ASMT: variants seen among roughly 807,000 people sequenced by gnomAD.
The protein encoded by ASMT is acetylserotonin N-methyltransferase.
ASMT carries 53 observed loss-of-function variants against 41.3 expected under a neutral mutation model. The ratio of observed to expected loss-of-function variants is 1.28; its 90% CI spans 1.03 to 1.61. The LOEUF (loss-of-function observed/expected upper bound fraction) is 1.61, where lower values mean the gene tolerates loss of function less well. Ranked by LOEUF, ASMT falls within the 40% of genes most tolerant of loss-of-function variation. The probability of loss-of-function intolerance (pLI) is 0.00; values close to 1 mark genes in which losing one functional copy is unlikely to be tolerated. For missense variants in ASMT, 531 were observed against 441.3 expected, an observed-to-expected ratio of 1.20 and a Z score of -1.82; for synonymous variants, 231 against 184.8, an observed-to-expected ratio of 1.25 and a Z score of -2.03.
rs147969184 is a variant in ASMT, at chrX:1,629,825, G to A, written c.448G>A (p.Glu150Lys). The change falls in exon 5 of 9, where the codon GAG becomes AAG. Residue 150 changes from glutamate to lysine, a missense_variant. Physicochemically the swap from Glu to Lys is moderately conservative, Grantham distance 56. Coordinates refer to ENST00000381241, the MANE Select transcript of ASMT (RefSeq NM_001171038.2). ...EELFTAIYRS[E>K]GERLQFMQAL... ...AAGCGTGGTTTTGCATGCCAGGTCC[G>A]AGGGCGAGCGGCTACAGTTCATGCA... The A allele has an allele frequency of 8.6e-5, 138 of 1,613,770 alleles. No homozygotes were observed. In the African/African-American group the frequency reaches 1.4e-3, roughly 16 times the overall value.
In ASMT at chrX:1,642,828, C is replaced by G; in HGVS notation, c.936C>G (p.Ser312Arg). Reference sequence around the variant, plus strand: ...GTGGTGGCATTCTGGTAATTGAAAGCCTCCTGGATGAAGACAGGCGAGGTC... The same window carrying G: ...GTGGTGGCATTCTGGTAATTGAAAGGCTCCTGGATGAAGACAGGCGAGGTC... ...KPGGGILVIE[S>R]LLDEDRRGPL... The change falls in exon 9 of 9, where the codon AGC (serine) becomes AGG (arginine). Residue 312 changes from serine (S) to arginine (R), a missense_variant. By Grantham distance (110) the Ser-to-Arg change is moderately radical (BLOSUM62 -1). Coordinates refer to ENST00000381241, the MANE Select transcript of ASMT (RefSeq NM_001171038.2). 6.2e-7 allele frequency: 1 copy of G among 1,613,926 alleles called. No homozygotes were observed. Among genetic ancestry groups the G allele is most frequent in the Non-Finnish European group, 8.5e-7 (1 of 1,179,866 alleles).
chrX:1,642,746 T>C, intron 8 of ASMT, 57 bp from the exon 9 acceptor site: 2 of 1,534,930 alleles, frequency 1.3e-6, no homozygotes. Flanking sequence ...ACTGGGACTT[T>C]GGCACAGTCT....
intron 1 of ASMT, among the ~76,000 whole-genome samples, chrX:1,618,246 C>T (rs1338640661): frequency 6.6e-6 from 1 of 152,116 alleles, no homozygotes; most frequent in Non-Finnish European, 1.5e-5. Flanking sequence ...TCACTGCAAC[C>T]TCTCCCTCCC....
rs1206479017 is a variant in ASMT, at chrX:1,619,191, C to T, written c.69+3923C>T. On this transcript the variant is annotated intron_variant, in intron 1 of 8. Coordinates refer to ENST00000381241, the MANE Select transcript of ASMT (RefSeq NM_001171038.2). ...CGGGCGGATCACAAGGTCAGGAGTT[C>T]GAGACCAGCCTGGCCAATATGGTGA... Among the ~76,000 whole-genome samples the T allele has an allele frequency of 2.6e-5, 4 of 151,980 alleles. No individual in the cohort carries two copies. In the East Asian group the frequency reaches 7.8e-4, roughly 29 times the overall value.
Position 1,615,137 on chromosome X carries a change from CT to C in ASMT, c.-62del. ...GGCTCTTCCCCACCTTGCCAGCAGG[CT>C]CTGTGCTCCTTGAAGCAAGCGCTCC... On this transcript the variant is annotated 5_prime_UTR_variant, in exon 1 of 9. Transcript: ENST00000381241. 6.7e-7 allele frequency: 1 copy of C among 1,481,748 alleles called. No individual in the cohort carries two copies. Among genetic ancestry groups the C allele is most frequent in the South Asian group, 1.2e-5 (1 of 82,862 alleles). The allele number at this position is 1,481,748 out of a possible 1,614,324, so 91.8% of individuals were successfully genotyped here.
intron 7 of ASMT, among the ~76,000 whole-genome samples, chrX:1,634,002 A>T (rs1226007887): frequency 1.3e-5 from 2 of 150,666 alleles, no homozygotes; most frequent in East Asian, 3.9e-4. Context: ...CAAACTCCTG[A>T]CCTCAGGAGA....
chrX:1,619,585 A>C (rs1934265148), intron 1 of ASMT, among the ~76,000 whole-genome samples: 1 of 146,354 alleles, frequency 6.8e-6, no homozygotes, highest in Non-Finnish European at 1.5e-5. Context: ...TAATAATAAT[A>C]ATAAAAAGTC....
At chrX:1,636,024 C>T (rs111318906) in intron 7 of ASMT, among the ~76,000 whole-genome samples, 40,804 of 148,094 alleles carry the variant, frequency 0.28, 5,714 homozygotes, top group East Asian at 0.36. Context: ...GGTGCAATCT[C>T]GGCTCACTGC....
At position 1,615,222 on chromosome X, in the gene ASMT, C is replaced by A. The variant is rs140050511; in HGVS notation, c.23C>A (p.Ala8Asp). 2 of 1,597,656 alleles carry A rather than the reference C, an allele frequency of 1.3e-6. No homozygotes were observed. The highest frequency in any genetic ancestry group is 1.7e-6 in the Non-Finnish European group (2 of 1,172,364). Residue 8 changes from alanine to aspartate, a missense_variant, in exon 1 of 9, where the codon GCC becomes GAC. By Grantham distance (126) the Ala-to-Asp change is moderately radical. Coordinates refer to ENST00000381241, the MANE Select transcript of ASMT (RefSeq NM_001171038.2). ...AAGATGGGATCCTCAGAGGACCAGG[C>A]CTATCGCCTCCTTAATGACTACGCC... MGSSEDQAYRLLNDYANG... is the reference protein window; with the variant it reads MGSSEDQDYRLLNDYANG...
intron 1 of ASMT, among the ~76,000 whole-genome samples, chrX:1,617,955 G>A (rs1439454179): frequency 1.3e-5 from 2 of 152,032 alleles, no homozygotes; most frequent in African/African-American, 4.8e-5. Context: ...GTGAAAATTA[G>A]AGTGAAGTCT....
chrX:1,642,743 C>A, intron 8 of ASMT, 60 bp from the exon 9 acceptor site: 1 of 1,529,658 alleles, frequency 6.5e-7, no homozygotes, highest in Non-Finnish European at 9.0e-7. Context: ...TTCACTGGGA[C>A]TTTGGCACAG....
At chrX:1,636,025 G>A (rs771471759) in intron 7 of ASMT, among the ~76,000 whole-genome samples, 84 of 147,378 alleles carry the variant, frequency 5.7e-4, no homozygotes, top group Non-Finnish European at 8.6e-4. Flanking sequence ...GTGCAATCTC[G>A]GCTCACTGCA....
chrX:1,633,426 G>A, intron 7 of ASMT, 136 bp downstream of exon 7: 1 of 986,450 alleles, frequency 1.0e-6, no homozygotes. Flanking sequence ...AACACTGTCT[G>A]TTATTCATGA....
intron 4 of ASMT, 177 bp downstream of exon 4, chrX:1,627,948 A>T: frequency 4.4e-6 from 3 of 681,962 alleles, no homozygotes; most frequent in Non-Finnish European, 8.0e-6. Flanking sequence ...CTGATGTTTA[A>T]ATTGATCAAA....
At chrX:1,636,634 C>A (rs1934977309) in intron 8 of ASMT, 74 bp downstream of exon 8, 2 of 1,610,666 alleles carry the variant, frequency 1.2e-6, no homozygotes, top group Admixed American at 1.7e-5. Context: ...ATTTAGAAGG[C>A]AGGCACTGAA....
chrX:1,626,830 C>G (rs1934566422), intron 3 of ASMT, among the ~76,000 whole-genome samples: 1 of 139,154 alleles, frequency 7.2e-6, no homozygotes, highest in Non-Finnish European at 1.6e-5. Context: ...GAGTTCGAGA[C>G]CAGCCTGACC....
In ASMT at chrX:1,640,447, C is replaced by CTG. The variant is rs1223115633; in HGVS notation, c.911-2349_911-2348dup. Among the ~76,000 whole-genome samples, 40 of 38,632 alleles carry CTG rather than the reference C, an allele frequency of 1.0e-3. 3 individuals are homozygous for CTG. Among genetic ancestry groups the CTG allele is most frequent in the Non-Finnish European group, 1.1e-3 (30 of 26,622 alleles). 25.3% of individuals were successfully genotyped at this position (38,632 alleles called of 152,430 possible). The stretch of plus-strand genomic sequence containing the variant: ...GTTCATGAGGATGTGGGCACAGCCT[C>CTG]TGTGTGTGAGATAGGGACCATGTCC... On this transcript the variant is annotated intron_variant, in intron 8 of 8. Coordinates refer to ENST00000381241, the MANE Select transcript of ASMT (RefSeq NM_001171038.2).
At position 1,636,445 on chromosome X, in the gene ASMT, C is replaced by A; in HGVS notation, c.795C>A (p.Phe265Leu). ...GCCTGCCCTGTGTTCCAGGGGATTT[C>A]TTCAAAGACCCTCTTCCGGAAGCTG... ...EEQIDFQEGD[F>L]FKDPLPEADL... The change falls in exon 8 of 9, where the codon TTC becomes TTA. Residue 265 changes from phenylalanine to leucine, a missense_variant. Coordinates refer to ENST00000381241, the MANE Select transcript of ASMT (RefSeq NM_001171038.2). The A allele has an allele frequency of 6.2e-7, 1 of 1,613,890 alleles. No individual in the cohort carries two copies.
chrX:1,618,092 C>T (rs1344771858), intron 1 of ASMT, among the ~76,000 whole-genome samples: 15 of 152,212 alleles, frequency 9.9e-5, no homozygotes, highest in Non-Finnish European at 1.2e-4. Flanking sequence ...GATTCTCCTG[C>T]CTCAGCCTCC....
Sources: gnomAD v4.1 joint callset for allele counts (sites outside exome capture counted in the v4.1 genomes callset) on GRCh38, gnomAD v4.1.1 for gene constraint, MANE v1.5 for transcripts, NCBI Gene and HGNC (gene_info 2026-07-23, HGNC 2026-07-21) for gene names.